The following CELF6 variants were observed in gnomAD, a reference collection of about 807,000 sequenced individuals.
The protein encoded by CELF6 is Bruno -like 6, RNA binding protein.
A neutral mutation model predicts 53.1 loss-of-function variants in CELF6; 32 were observed. That is an observed-to-expected ratio of 0.60 (90% CI 0.46 to 0.81). The LOEUF (loss-of-function observed/expected upper bound fraction) is 0.81, where lower values mean the gene tolerates loss of function less well. Ranked by LOEUF, CELF6 falls within the 30% of genes least tolerant of loss-of-function variation. The pLI is 0.00. For missense variants in CELF6, 539 were observed against 669.5 expected (o/e 0.81, Z 2.15); for synonymous variants, 291 against 288.8 (o/e 1.01, Z -0.08).
intron 3 of CELF6, among the ~76,000 whole-genome samples, chr15:72,296,247 T>A (rs73438485): frequency 0.16 from 23,611 of 152,148 alleles, 3,901 homozygotes; most frequent in African/African-American, 0.41. Context: ...GAGTCCTAAA[T>A]GTAAGAGCTA....
chr15:72,304,841 C>G, intron 2 of CELF6, 47 bp from the exon 3 acceptor site: 1 of 1,589,862 alleles, frequency 6.3e-7, no homozygotes, highest in South Asian at 1.1e-5. Flanking sequence ...ACTGCCTGGT[C>G]CTGGAGCCCC....
rs1482813528 is a variant in CELF6 at position 72,289,420 on chromosome 15, C to T, written c.835G>A (p.Val279Met). Residue 279 changes from valine (V) to methionine (M), a missense_variant, in exon 7 of 13, where the codon GTG becomes ATG. By Grantham distance (21) the Val-to-Met change is conservative. Coordinates refer to ENST00000287202, the MANE Select transcript of CELF6 (RefSeq NM_052840.5). This position sits in a 1 kb window ranked among gnomAD's most constrained non-coding sequence, Gnocchi z 7.6. Reference protein sequence around the residue: ...VAAVAAQMQHVAAFSLVAAPL... With the variant: ...VAAVAAQMQHMAAFSLVAAPL... ...GCAGCTACCAGGCTAAAGGCCGCCA[C>T]GTGTTGCATCTGGGCCGCCACTGCC... The T allele has an allele frequency of 3.9e-6, 6 of 1,552,680 alleles. 1 individual carries two copies. The South Asian group carries it at 4.7e-5, about 12-fold the overall frequency.
chr15:72,290,014 A>C lies in CELF6; in HGVS notation c.528T>G (p.Cys176Trp), dbSNP rs2087984732. 1 of 1,609,286 alleles carries C rather than the reference A, an allele frequency of 6.2e-7. No homozygotes were observed. The highest frequency in any genetic ancestry group is 8.5e-7 in the Non-Finnish European group (1 of 1,178,062). ...LRSPDGTSKG[C>W]AFVKFGSQGE... ...CTTGACTCCCGAACTTCACAAAGGC[A>C]CAGCCTGGGGCAGGACAGAGGGAGC... is the stretch of plus-strand genomic sequence containing the variant. The change falls in exon 5 of 13, where the codon TGT becomes TGG. Residue 176 changes from cysteine to tryptophan, a missense_variant. Transcript: ENST00000287202.
Position 72,314,589 on chromosome 15 carries a change from G to GTTTTTTTTTTTTTTTTTT in CELF6, c.345+1238_345+1255dup, listed in dbSNP as rs984879836. On this transcript the variant is annotated intron_variant, in intron 2 of 12. Transcript: ENST00000287202. Reference sequence around the variant, plus strand: ...AGGTCTGTGAGACTCAAAACCCAGTGTTTTTTTTTTTTTTTTTTTTTTTGA... The same window carrying GTTTTTTTTTTTTTTTTTT: ...AGGTCTGTGAGACTCAAAACCCAGTGTTTTTTTTTTTTTTTTTTTTTTTTTTTTTTTTTTTTTTTTTGA... Among the ~76,000 whole-genome samples the GTTTTTTTTTTTTTTTTTT allele has an allele frequency of 8.0e-4, 78 of 97,840 alleles. 8 individuals are homozygous for GTTTTTTTTTTTTTTTTTT. The highest frequency in any genetic ancestry group is 3.1e-3 in the African/African-American group (64 of 20,710). 64.2% of individuals were successfully genotyped at this position (97,840 alleles called of 152,430 possible).
At chr15:72,316,840 A>G in intron 1 of CELF6, among the ~76,000 whole-genome samples, 1 of 140,960 alleles carries the variant, frequency 7.1e-6, no homozygotes, top group East Asian at 1.9e-4. Flanking sequence ...TTGGAGATAG[A>G]GTGGCAACAA....
At chr15:72,313,039 A>G (rs935216150) in intron 2 of CELF6, among the ~76,000 whole-genome samples, 4 of 152,246 alleles carry the variant, frequency 2.6e-5, no homozygotes, top group Non-Finnish European at 5.9e-5. Context: ...GTATCAGAGG[A>G]AGCCAGGCCA....
chr15:72,304,675 C>G, intron 3 of CELF6, 71 bp downstream of exon 3: 2 of 1,400,732 alleles, frequency 1.4e-6, no homozygotes, highest in Non-Finnish European at 2.0e-6. Context: ...ATGGGTAGGA[C>G]AGACTCCAGG....
rs908611651 is a variant in CELF6 at position 72,288,993 on chromosome 15, G to A, written c.1031-63C>T. 19 of 1,451,686 alleles carry A rather than the reference G, an allele frequency of 1.3e-5. No homozygotes were observed. Among genetic ancestry groups the A allele is most frequent in the Admixed American group, 2.1e-5 (1 of 48,442 alleles). 89.9% of individuals were successfully genotyped at this position (1,451,686 alleles called of 1,614,324 possible). On this transcript the variant is annotated intron_variant, in intron 8 of 12. Transcript: ENST00000287202. The surrounding 1 kb of genome is among the most constrained non-coding windows in gnomAD (Gnocchi z 4.6). ...AGCGGGCGAGCAGAGTGGGTGAGAAGCTCAGGGAGTGTGGGAGGTGGACGG... is the reference window on the plus strand; with the variant it reads ...AGCGGGCGAGCAGAGTGGGTGAGAAACTCAGGGAGTGTGGGAGGTGGACGG...
At chr15:72,310,364 C>T (rs1350008169) in intron 2 of CELF6, among the ~76,000 whole-genome samples, 1 of 152,112 alleles carries the variant, frequency 6.6e-6, no homozygotes, top group East Asian at 1.9e-4. Context: ...GTTCTAGAAT[C>T]TATATGGATA....
chr15:72,315,698 T>A (rs1382387921), intron 2 of CELF6, 147 bp downstream of exon 2: 2 of 510,284 alleles, frequency 3.9e-6, no homozygotes, highest in Non-Finnish European at 6.9e-6. Flanking sequence ...TTTGTTGCTG[T>A]TCAGGGTACA....
chr15:72,292,756 A>G (rs1431696325), intron 3 of CELF6, among the ~76,000 whole-genome samples: 3 of 152,226 alleles, frequency 2.0e-5, no homozygotes, highest in African/African-American at 4.8e-5. Flanking sequence ...AGCAGGGCGC[A>G]GTGGCTCACG....
Position 72,289,857 on chromosome 15 carries a change from C to CG in CELF6, c.603+81dup. 6.7e-7 allele frequency: 1 copy of CG among 1,503,540 alleles called. No individual in the cohort carries two copies. The highest frequency in any genetic ancestry group is 8.9e-7 in the Non-Finnish European group (1 of 1,129,062). 93.1% of individuals were successfully genotyped at this position (1,503,540 alleles called of 1,614,324 possible). A position where few individuals can be genotyped will look rare whatever the true frequency, so the allele number is the denominator to read the frequency against. On this transcript the variant is annotated intron_variant, in intron 5 of 12. Coordinates refer to ENST00000287202, the MANE Select transcript of CELF6 (RefSeq NM_052840.5). The surrounding 1 kb of genome is among the most constrained non-coding windows in gnomAD (Gnocchi z 7.6). ...GCGCCTTTCCCATCAGGTCCTTTCG[C>CG]GGGGCACCGAGCACACTCGGGGAGG... is the stretch of plus-strand genomic sequence containing the variant.
intron 2 of CELF6, among the ~76,000 whole-genome samples, chr15:72,308,221 G>GTT (rs11455798): frequency 8.6e-5 from 13 of 150,586 alleles, no homozygotes; most frequent in East Asian, 5.8e-4. Flanking sequence ...AAAAGTTATT[G>GTT]TTTTTTTTTG....
At chr15:72,290,409 G>A (rs1567278255) in intron 3 of CELF6, among the ~76,000 whole-genome samples, 154 bp from the exon 4 acceptor site, 1 of 152,112 alleles carries the variant, frequency 6.6e-6, no homozygotes, top group Non-Finnish European at 1.5e-5. Flanking sequence ...TTTCATTGAG[G>A]GGCAGGATCT....
intron 3 of CELF6, among the ~76,000 whole-genome samples, chr15:72,292,503 G>C (rs1371284588): frequency 2.6e-5 from 4 of 152,210 alleles, no homozygotes; most frequent in African/African-American, 9.6e-5. Context: ...TCATTGGGCA[G>C]GGTCTGAAAA....
Position 72,319,659 on chromosome 15 carries a change from G to T in CELF6, c.216C>A (p.Ile72=). 1 of 1,579,186 alleles carries T rather than the reference G, an allele frequency of 6.3e-7. No homozygotes were observed. Among genetic ancestry groups the T allele is most frequent in the Non-Finnish European group, 8.6e-7 (1 of 1,161,654 alleles). ...LKPLFEEFGR[I]YELTVLKDRL... ...GGTCCTTCAGCACCGTCAGCTCGTAGATGCGGCCGAACTCCTCGAACAGCG... is the reference window on the plus strand; with the variant it reads ...GGTCCTTCAGCACCGTCAGCTCGTATATGCGGCCGAACTCCTCGAACAGCG... Residue 72 remains isoleucine (I), a synonymous_variant, in exon 1 of 13, where the codon ATC becomes ATA. Transcript: ENST00000287202. This position sits in a 1 kb window ranked among gnomAD's most constrained non-coding sequence, Gnocchi z 5.0.
intron 2 of CELF6, among the ~76,000 whole-genome samples, chr15:72,311,810 C>T (rs931139279): frequency 6.6e-6 from 1 of 152,206 alleles, no homozygotes; most frequent in Non-Finnish European, 1.5e-5. Flanking sequence ...AAGGCACTCC[C>T]CAACCCTGGG....
chr15:72,295,100 G>A (rs1481030762), intron 3 of CELF6, among the ~76,000 whole-genome samples: 9 of 151,546 alleles, frequency 5.9e-5, no homozygotes, highest in Non-Finnish European at 8.8e-5. Flanking sequence ...TTGGGAGGCC[G>A]AGGTGGGTGG....
At chr15:72,312,488 G>T (rs1193285788) in intron 2 of CELF6, among the ~76,000 whole-genome samples, 1 of 152,074 alleles carries the variant, frequency 6.6e-6, no homozygotes, top group African/African-American at 2.4e-5. Context: ...AATTAGCTTG[G>T]CGCGGTGATG....
Sources: allele counts gnomAD v4.1 joint callset (sites outside exome capture counted in the v4.1 genomes callset), GRCh38; gene constraint gnomAD v4.1.1; non-coding constraint Gnocchi (gnomAD v3.1); transcripts MANE v1.5; gene names NCBI Gene and HGNC (gene_info 2026-07-23, HGNC 2026-07-21).